MOGS: variants seen among roughly 807,000 people sequenced by gnomAD.
MOGS encodes epididymis secretory sperm binding protein.
MOGS carries 45 observed loss-of-function variants against 68.5 expected under a neutral mutation model. The ratio of observed to expected loss-of-function variants is 0.66; its 90% CI spans 0.52 to 0.84. The LOEUF is 0.84. MOGS is among the 40% of genes least tolerant of loss of function. MOGS has a pLI of 0.00. For synonymous variants in MOGS, 492 were observed against 461.2 expected (o/e 1.07, Z -0.86); for missense variants, 1,020 against 1,095.0 (o/e 0.93, Z 0.97).
intron 1 of MOGS, 38 bp downstream of exon 1, chr2:74,464,858 A>G: frequency 6.3e-7 from 1 of 1,589,708 alleles, no homozygotes; most frequent in South Asian, 1.1e-5. Flanking sequence ...CGCCCAGATT[A>G]GGAGTCCGCC....
chr2:74,462,713 T>A lies in MOGS; in HGVS notation c.1076A>T (p.Gln359Leu). 1 of 1,614,254 alleles carries A rather than the reference T, an allele frequency of 6.2e-7. No individual in the cohort carries two copies. Among genetic ancestry groups the A allele is most frequent in the Admixed American group, 1.7e-5 (1 of 60,026 alleles). ...LPRLAGSLLT[Q>L]ALESHAEGFR... ...GCCTTCAGCATGGCTCTCCAGGGCCTGGGTCAGTAGACTGCCTGCCAGTCT... is the reference window on the plus strand; with the variant it reads ...GCCTTCAGCATGGCTCTCCAGGGCCAGGGTCAGTAGACTGCCTGCCAGTCT... The change falls in exon 4 of 4, where the codon CAG becomes CTG. Residue 359 changes from glutamine to leucine, a missense_variant. This residue lies in a region of MOGS where 569 missense variants were observed against 571.9 expected (regional missense o/e 0.99). Coordinates refer to ENST00000448666, the MANE Select transcript of MOGS (RefSeq NM_006302.3).
intron 2 of MOGS, chr2:74,463,633 A>C: frequency 4.0e-6 from 2 of 499,224 alleles, no homozygotes; most frequent in Non-Finnish European, 3.6e-6. Flanking sequence ...TACACTAAGA[A>C]CTCTACACAG....
rs1671954576 is a variant in MOGS, at chr2:74,462,595, G to C, written c.1194C>G (p.Leu398=). 2.5e-6 allele frequency: 4 copies of C among 1,614,072 alleles called. No homozygotes were observed. Among genetic ancestry groups the C allele is most frequent in the Non-Finnish European group, 2.5e-6 (3 of 1,179,982 alleles). Residue 398 remains leucine (L), a synonymous_variant, in exon 4 of 4, where the codon CTC becomes CTG. Coordinates refer to ENST00000448666, the MANE Select transcript of MOGS (RefSeq NM_006302.3). ...CGTAGAAGTAGCCAATTCCACCAAG[G>C]AGGCCGCTGAGGGCAGCCTGACCCA... The part of the protein sequence containing the change: ...QVLGQAALSG[L]LGGIGYFYGQ...
intron 2 of MOGS, among the ~76,000 whole-genome samples, chr2:74,464,132 T>C (rs1005609009): frequency 6.6e-6 from 1 of 151,894 alleles, no homozygotes; most frequent in Non-Finnish European, 1.5e-5. Flanking sequence ...GCTAATTTTA[T>C]ATTTTCAGTA....
At position 74,462,932 on chromosome 2, in the gene MOGS, T is replaced by C; in HGVS notation, c.857A>G (p.Gln286Arg). The C allele has an allele frequency of 6.2e-7, 1 of 1,614,212 alleles. No homozygotes were observed. Among genetic ancestry groups the C allele is most frequent in the East Asian group, 2.2e-5 (1 of 44,894 alleles). Reference sequence around the variant, plus strand: ...AGGGGGGGCCCCTGGGGGCCGATGCTGAAACCAGCTATTTAGGCGACTCTT... The same window carrying C: ...AGGGGGGGCCCCTGGGGGCCGATGCCGAAACCAGCTATTTAGGCGACTCTT... ...MVKSRLNSWF[Q>R]HRPPGAPPER... Residue 286 changes from glutamine (Q) to arginine (R), a missense_variant, in exon 4 of 4, where the codon CAG (glutamine) becomes CGG (arginine). Physicochemically the swap from Gln to Arg is conservative, Grantham distance 43. Coordinates refer to ENST00000448666, the MANE Select transcript of MOGS (RefSeq NM_006302.3).
At chr2:74,464,216 C>T (rs1672005455) in intron 2 of MOGS, among the ~76,000 whole-genome samples, 1 of 152,178 alleles carries the variant, frequency 6.6e-6, no homozygotes, top group South Asian at 2.1e-4. Flanking sequence ...GCCTCGGCCT[C>T]CCAAAGTACT....
rs779394933 is a variant in MOGS at position 74,462,637 on chromosome 2, G to C, written c.1152C>G (p.Ser384Arg). The change falls in exon 4 of 4, where the codon AGC becomes AGG. Residue 384 changes from serine to arginine, a missense_variant. By Grantham distance (110) the Ser-to-Arg change is moderately radical (BLOSUM62 -1). Around this residue, in one of 3 missense-constraint regions of MOGS, gnomAD observed 569 missense variants for 571.9 expected, o/e 0.99. Transcript: ENST00000448666. ...KTFQLKEKGL[S>R]SGEQVLGQAA... Reference sequence around the variant, plus strand: ...CCTGACCCAAAACCTGCTCGCCAGAGCTCAGGCCCTTCTCCTTCAGCTGGA... The same window carrying C: ...CCTGACCCAAAACCTGCTCGCCAGACCTCAGGCCCTTCTCCTTCAGCTGGA... 1 of 1,614,122 alleles carries C rather than the reference G, an allele frequency of 6.2e-7. No homozygotes were observed. The highest frequency in any genetic ancestry group is 8.5e-7 in the Non-Finnish European group (1 of 1,180,052).
In MOGS at chr2:74,461,342, C is replaced by T; in HGVS notation, c.2447G>A (p.Gly816Asp). Residue 816 changes from glycine to aspartate, a missense_variant, in exon 4 of 4, where the codon GGC becomes GAC. Physicochemically the swap from Gly to Asp is moderately conservative, Grantham distance 94. Around this residue, in one of 3 missense-constraint regions of MOGS, gnomAD observed 270 missense variants for 261.3 expected, o/e 1.03. Transcript: ENST00000448666. ...GCCGTGGAAAGGGCGGCAGCCCATGCCTCGCCCATCGCGGTCACTGTACTG... is the reference window on the plus strand; with the variant it reads ...GCCGTGGAAAGGGCGGCAGCCCATGTCTCGCCCATCGCGGTCACTGTACTG... ...WEQYSDRDGRGMGCRPFHGWT... is the reference protein window; with the variant it reads ...WEQYSDRDGRDMGCRPFHGWT... 2 of 1,614,140 alleles carry T rather than the reference C, an allele frequency of 1.2e-6. No individual in the cohort carries two copies. Among genetic ancestry groups the T allele is most frequent in the Non-Finnish European group, 1.7e-6 (2 of 1,180,050 alleles).
rs745946630 is a variant in MOGS at position 74,464,877 on chromosome 2, C to T, written c.352+19G>A. ...CAGATTAGGAGTCCGCCTGCCTGCC[C>T]GCCCTGGGGCCCGGTTACCGGTGAG... On this transcript the variant is annotated intron_variant, in intron 1 of 3. Coordinates refer to ENST00000448666, the MANE Select transcript of MOGS (RefSeq NM_006302.3). 2.0e-5 allele frequency: 32 copies of T among 1,602,582 alleles called. No homozygotes were observed. Among genetic ancestry groups the T allele is most frequent in the Non-Finnish European group, 2.4e-5 (28 of 1,174,328 alleles).
Position 74,462,289 on chromosome 2 carries a change from T to C in MOGS, c.1500A>G (p.Pro500=). 1 of 1,613,900 alleles carries C rather than the reference T, an allele frequency of 6.2e-7. No homozygotes were observed. The highest frequency in any genetic ancestry group is 8.5e-7 in the Non-Finnish European group (1 of 1,180,012). Residue 500 remains proline, a synonymous_variant, in exon 4 of 4, where the codon CCA becomes CCG. Transcript: ENST00000448666. ...LGDEARARVP[P]EFLVQRAVHA... ...GGACTGCTCGTTGTACTAGGAATTC[T>C]GGAGGCACCCGGGCTCGGGCCTCAT...
chr2:74,461,750 T>TG lies in MOGS; in HGVS notation c.2038dup (p.Gln680ProfsTer67). 1.2e-6 allele frequency: 2 copies of TG among 1,614,136 alleles called. No individual in the cohort carries two copies. Among genetic ancestry groups the TG allele is most frequent in the Non-Finnish European group, 1.7e-6 (2 of 1,180,024 alleles). ...AGCATCTACATACTGCAGTTGAGGT[T>TG]GGGGCCGACCCACCACCCGAACGAG... On this transcript the variant is annotated frameshift_variant, in exon 4 of 4. Transcript: ENST00000448666. LOFTEE classifies it high-confidence loss of function.
In MOGS at chr2:74,464,933, G is replaced by A. The variant is rs1011670930; in HGVS notation, c.315C>T (p.Phe105=). ...FWGTYRPHVY[F]GMKTRSPKPL... is the part of the protein sequence containing the mutation. ...GCTTCGGGCTGCGGGTCTTCATGCC[G>A]AAGTAGACGTGAGGGCGGTAGGTTC... The change falls in exon 1 of 4, where the codon TTC becomes TTT. Residue 105 remains phenylalanine, a synonymous_variant. Coordinates refer to ENST00000448666, the MANE Select transcript of MOGS (RefSeq NM_006302.3). 8.7e-6 allele frequency: 14 copies of A among 1,602,418 alleles called. No homozygotes were observed. Among genetic ancestry groups the A allele is most frequent in the Non-Finnish European group, 1.2e-5 (14 of 1,174,068 alleles).
At position 74,465,235 on chromosome 2, in the gene MOGS, C is replaced by G; in HGVS notation, c.13G>C (p.Glu5Gln). The G allele has an allele frequency of 1.4e-6, 2 of 1,442,294 alleles. No individual in the cohort carries two copies. Among genetic ancestry groups the G allele is most frequent in the Non-Finnish European group, 9.0e-7 (1 of 1,113,692 alleles). 89.3% of individuals were successfully genotyped at this position (1,442,294 alleles called of 1,614,324 possible). A position where few individuals can be genotyped will look rare whatever the true frequency, so the allele number is the denominator to read the frequency against. The change falls in exon 1 of 4, where the codon GAG (glutamate) becomes CAG (glutamine). Residue 5 changes from glutamate to glutamine, a missense_variant. Coordinates refer to ENST00000448666, the MANE Select transcript of MOGS (RefSeq NM_006302.3). ...GCCGGCACTGCGCGGCGCCGCCGCT[C>G]GCCCCGAGCCATCCTGGCACTGAGG... MARG[E>Q]RRRRAVPAEG... is the part of the protein sequence containing the mutation.
chr2:74,465,347 C>A lies in MOGS; in HGVS notation c.-100G>T. The A allele has an allele frequency of 1.4e-6, 1 of 693,854 alleles. No individual in the cohort carries two copies. Among genetic ancestry groups the A allele is most frequent in the South Asian group, 3.6e-5 (1 of 27,660 alleles). The allele number at this position is 693,854 out of a possible 1,614,324, so 43.0% of individuals were successfully genotyped here. A position where few individuals can be genotyped will look rare whatever the true frequency, so the allele number is the denominator to read the frequency against. On this transcript the variant is annotated 5_prime_UTR_variant, in exon 1 of 4. Transcript: ENST00000448666. Reference sequence around the variant, plus strand: ...CTCCCGCCTCTCGCCCTGGCGACCACCGTCCGGTTAGCGACACCTGCCAGC... The same window carrying A: ...CTCCCGCCTCTCGCCCTGGCGACCAACGTCCGGTTAGCGACACCTGCCAGC...
At chr2:74,464,352 G>A (rs1292799590) in intron 2 of MOGS, 144 bp downstream of exon 2, 1 of 688,010 alleles carries the variant, frequency 1.5e-6, no homozygotes, top group Non-Finnish European at 2.5e-6. Flanking sequence ...GCTTAGAGAT[G>A]GTAAATAGAA....
chr2:74,465,132 C>T lies in MOGS; in HGVS notation c.116G>A (p.Ser39Asn), dbSNP rs1672032262. The T allele has an allele frequency of 6.5e-7, 1 of 1,534,560 alleles. No individual in the cohort carries two copies. The highest frequency in any genetic ancestry group is 1.7e-4 in the Middle Eastern group (1 of 5,940). ...GGCCAGAGCCACTCCTCCAGCCGTGCTACGCGGCCCGCCGCCCCGGCCGTC... is the reference window on the plus strand; with the variant it reads ...GGCCAGAGCCACTCCTCCAGCCGTGTTACGCGGCCCGCCGCCCCGGCCGTC... ...RRDGRGGGPRSTAGGVALAVV... is the reference protein window; with the variant it reads ...RRDGRGGGPRNTAGGVALAVV... The change falls in exon 1 of 4, where the codon AGC becomes AAC. Residue 39 changes from serine to asparagine, a missense_variant. Coordinates refer to ENST00000448666, the MANE Select transcript of MOGS (RefSeq NM_006302.3).
Position 74,462,940 on chromosome 2 carries a change from G to A in MOGS, c.849C>T (p.Ser283=). ...LTEMVKSRLN[S]WFQHRPPGAP... Reference sequence around the variant, plus strand: ...CCCCTGGGGGCCGATGCTGAAACCAGCTATTTAGGCGACTCTTTACCATCT... The same window carrying A: ...CCCCTGGGGGCCGATGCTGAAACCAACTATTTAGGCGACTCTTTACCATCT... Residue 283 remains serine (S), a synonymous_variant, in exon 4 of 4, where the codon AGC becomes AGT. Coordinates refer to ENST00000448666, the MANE Select transcript of MOGS (RefSeq NM_006302.3). The A allele has an allele frequency of 3.7e-6, 6 of 1,614,216 alleles. No homozygotes were observed. The highest frequency in any genetic ancestry group is 4.2e-6 in the Non-Finnish European group (5 of 1,180,044).
chr2:74,462,021 G>A lies in MOGS; in HGVS notation c.1768C>T (p.His590Tyr), dbSNP rs199745808. The A allele has an allele frequency of 1.2e-6, 2 of 1,614,216 alleles. No individual in the cohort carries two copies. Among genetic ancestry groups the A allele is most frequent in the South Asian group, 1.1e-5 (1 of 91,084 alleles). ...AGGTGCCGCTCGGTTACTGAAGGGT[G>A]TGAAGCCCGGGGGTAGTCATCCAGC... ...SGLDDYPRAS[H>Y]PSVTERHLDL... The change falls in exon 4 of 4, where the codon CAC (histidine) becomes TAC (tyrosine). Residue 590 changes from histidine (H) to tyrosine (Y), a missense_variant. His to Tyr is a moderately conservative substitution (Grantham distance 83, BLOSUM62 2). Coordinates refer to ENST00000448666, the MANE Select transcript of MOGS (RefSeq NM_006302.3).
intron 2 of MOGS, chr2:74,463,615 C>A: frequency 2.0e-6 from 1 of 497,286 alleles, no homozygotes; most frequent in Non-Finnish European, 3.7e-6. Flanking sequence ...TACTTTTGTA[C>A]TATGTCCTAC....
Sources: allele counts gnomAD v4.1 joint callset (sites outside exome capture counted in the v4.1 genomes callset), GRCh38; gene constraint gnomAD v4.1.1; regional missense constraint gnomAD v4.1.1; transcripts MANE v1.5; gene names NCBI Gene and HGNC (gene_info 2026-07-23, HGNC 2026-07-21).